Variants in GPC5 observed in about 807,000 individuals in gnomAD.
GPC5 encodes glypican 5, also known as glypican-5.
A neutral mutation model predicts 53.9 loss-of-function variants in GPC5; 47 were observed. The observed-to-expected ratio is 0.87, with a 90% CI of 0.69 to 1.11. The LOEUF (loss-of-function observed/expected upper bound fraction) is 1.11, where lower values mean the gene tolerates loss of function less well. GPC5 is among the 50% of genes most tolerant of loss of function. GPC5 has a pLI of 0.00. For missense variants in GPC5, 748 were observed against 713.1 expected (o/e 1.05, Z -0.56); for synonymous variants, 286 against 263.3 (o/e 1.09, Z -0.84).
chr13:92,825,414 T>C lies in GPC5; in HGVS notation c.1562-40868T>C, dbSNP rs559230288. On this transcript the variant is annotated intron_variant, in intron 7 of 7. Coordinates refer to ENST00000377067, the MANE Select transcript of GPC5 (RefSeq NM_004466.6). Reference sequence around the variant, plus strand: ...TAAAGACAAGGGTGGTATATAATTTTGAAAGCATAAAAAAATGCAAATGTT... The same window carrying C: ...TAAAGACAAGGGTGGTATATAATTTCGAAAGCATAAAAAAATGCAAATGTT... Among the ~76,000 whole-genome samples the C allele has an allele frequency of 1.1e-4, 16 of 152,248 alleles. No individual in the cohort carries two copies. The East Asian group carries it at 1.4e-3, about 13-fold the overall frequency.
chr13:92,141,525 T>C (rs1594779598), intron 6 of GPC5, among the ~76,000 whole-genome samples: 1 of 152,158 alleles, frequency 6.6e-6, no homozygotes, highest in African/African-American at 2.4e-5. Flanking sequence ...CTGAGAAACA[T>C]GCTAGAGAAT....
chr13:91,868,208 A>G (rs138519321), intron 5 of GPC5, among the ~76,000 whole-genome samples: 163 of 152,342 alleles, frequency 1.1e-3, no homozygotes, highest in African/African-American at 3.8e-3. Flanking sequence ...AAAGAATTAC[A>G]AAGGAATTAG....
intron 7 of GPC5, among the ~76,000 whole-genome samples, chr13:92,231,842 T>A (rs1410173916): frequency 6.6e-6 from 1 of 152,086 alleles, no homozygotes; most frequent in Non-Finnish European, 1.5e-5. Context: ...GATGGGCAGC[T>A]GTAATCCCAG....
chr13:92,468,240 T>C (rs1326912936), intron 7 of GPC5, among the ~76,000 whole-genome samples: 1 of 152,102 alleles, frequency 6.6e-6, no homozygotes, highest in Non-Finnish European at 1.5e-5. Flanking sequence ...TACAAAGCTA[T>C]TGCTTCCCTT....
At chr13:91,621,621 G>C (rs77607462) in intron 2 of GPC5, among the ~76,000 whole-genome samples, 3 of 151,772 alleles carry the variant, frequency 2.0e-5, no homozygotes, top group Non-Finnish European at 4.4e-5. Context: ...ACCAAAAAGA[G>C]AGTAAAATAT....
At chr13:91,739,366 G>A (rs1429475863) in intron 4 of GPC5, among the ~76,000 whole-genome samples, 1 of 151,422 alleles carries the variant, frequency 6.6e-6, no homozygotes, top group Non-Finnish European at 1.5e-5. Context: ...ACAAATAGGA[G>A]CCATTGGTAT....
At chr13:91,849,108 C>T (rs1400298185) in intron 5 of GPC5, among the ~76,000 whole-genome samples, 1 of 152,128 alleles carries the variant, frequency 6.6e-6, no homozygotes, top group Admixed American at 6.6e-5. Flanking sequence ...CAACTCTTTC[C>T]TTCTACCTGT....
At chr13:92,671,406 A>AAC (rs1445066688) in intron 7 of GPC5, among the ~76,000 whole-genome samples, 1 of 152,202 alleles carries the variant, frequency 6.6e-6, no homozygotes, top group Non-Finnish European at 1.5e-5. Context: ...ATTACAATGA[A>AAC]ACCATCTATC....
Position 91,944,468 on chromosome 13 carries a change from G to T in GPC5, c.1401+36411G>T, listed in dbSNP as rs1326041747. ...TCATACTATTATGGGCAAATTTTGA[G>T]ATTTAAAATTAACCCATTACTCTCA... On this transcript the variant is annotated intron_variant, in intron 6 of 7. Coordinates refer to ENST00000377067, the MANE Select transcript of GPC5 (RefSeq NM_004466.6). 2.6e-5 allele frequency among the ~76,000 whole-genome samples: 4 copies of T among 152,110 alleles called. No individual in the cohort carries two copies. In the East Asian group the frequency reaches 7.7e-4, roughly 29 times the overall value.
chr13:92,484,568 A>G (rs893752306), intron 7 of GPC5: 1 of 152,166 alleles, frequency 6.6e-6, no homozygotes, highest in African/African-American at 2.4e-5. Flanking sequence ...CACAATGGCT[A>G]TATCACCAGG....
At chr13:91,567,866 T>G (rs1388381806) in intron 2 of GPC5, among the ~76,000 whole-genome samples, 1 of 152,176 alleles carries the variant, frequency 6.6e-6, no homozygotes, top group African/African-American at 2.4e-5. Context: ...CATCTTAAAT[T>G]GTAATCCCCG....
intron 7 of GPC5, among the ~76,000 whole-genome samples, chr13:92,392,881 T>A (rs942591215): frequency 2.0e-5 from 3 of 152,266 alleles, no homozygotes; most frequent in Middle Eastern, 3.4e-3. Flanking sequence ...ATGGCTATTA[T>A]TAAAAAGTCA....
At chr13:92,607,760 C>A (rs1032395276) in intron 7 of GPC5, among the ~76,000 whole-genome samples, 9 of 152,158 alleles carry the variant, frequency 5.9e-5, no homozygotes, top group African/African-American at 2.2e-4. Context: ...CACATACTTA[C>A]TATTTTTTGT....
rs192951823 is a variant in GPC5 at position 92,212,677 on chromosome 13, A to G, written c.1561+67688A>G. Reference sequence around the variant, plus strand: ...ATTCAGCTTGTATGGGCAAGTTGGTAAAACACTGAGATACTTTGGATCCAG... The same window carrying G: ...ATTCAGCTTGTATGGGCAAGTTGGTGAAACACTGAGATACTTTGGATCCAG... On this transcript the variant is annotated intron_variant, in intron 7 of 7. Transcript: ENST00000377067. 8.5e-5 allele frequency among the ~76,000 whole-genome samples: 13 copies of G among 152,292 alleles called. No individual in the cohort carries two copies. The East Asian group carries it at 2.5e-3, about 29-fold the overall frequency.
intron 5 of GPC5, among the ~76,000 whole-genome samples, chr13:91,848,721 T>C (rs2038879578): frequency 6.6e-6 from 1 of 152,216 alleles, no homozygotes; most frequent in African/African-American, 2.4e-5. Context: ...TAGTAAAGCT[T>C]TCCAATAGAT....
intron 7 of GPC5, among the ~76,000 whole-genome samples, chr13:92,529,377 C>CA (rs1366508598): frequency 6.6e-6 from 1 of 151,958 alleles, no homozygotes; most frequent in Non-Finnish European, 1.5e-5. Flanking sequence ...AAATGAACTC[C>CA]AATACCAAGA....
chr13:91,953,773 G>T (rs1307026710), intron 6 of GPC5, among the ~76,000 whole-genome samples: 2 of 152,254 alleles, frequency 1.3e-5, no homozygotes, highest in African/African-American at 2.4e-5. Context: ...GCCTTCTCAT[G>T]GCCAAAGGGC....
At chr13:92,252,577 G>A (rs1340744200) in intron 7 of GPC5, among the ~76,000 whole-genome samples, 1 of 151,972 alleles carries the variant, frequency 6.6e-6, no homozygotes, top group Admixed American at 6.6e-5. Context: ...CTATAGATAT[G>A]TATTTACATA....
intron 2 of GPC5, among the ~76,000 whole-genome samples, chr13:91,533,894 T>A (rs1025252507): frequency 2.0e-5 from 3 of 152,202 alleles, no homozygotes; most frequent in Non-Finnish European, 4.4e-5. Flanking sequence ...GTGCAGTTAA[T>A]GAAAATTGGG....
Sources: allele counts gnomAD v4.1 joint callset (sites outside exome capture counted in the v4.1 genomes callset), GRCh38; gene constraint gnomAD v4.1.1; transcripts MANE v1.5; gene names NCBI Gene and HGNC (gene_info 2026-07-23, HGNC 2026-07-21).